The following PYGB variants were observed in gnomAD, a reference collection of about 807,000 sequenced individuals.
The protein encoded by PYGB is glycogen phosphorylase B, also known as glycogen phosphorylase, brain form.
In PYGB, 82 loss-of-function variants were observed where a neutral mutation model predicts 94.3. That is an observed-to-expected ratio of 0.87 (90% CI 0.73 to 1.04). The LOEUF is 1.04. PYGB is among the 50% of genes least tolerant of loss of function. PYGB has a pLI of 0.00. For synonymous variants in PYGB, 488 were observed against 479.1 expected (o/e 1.02, Z -0.24); for missense variants, 1,132 against 1,158.2 (o/e 0.98, Z 0.33).
At position 25,297,877 on chromosome 20, in the gene PYGB, G is replaced by C. The variant is rs1312420189; in HGVS notation, c.*1355G>C. The C allele has an allele frequency of 2.0e-5, 3 of 152,334 alleles. No homozygotes were observed. The highest frequency in any genetic ancestry group is 2.9e-5 in the Non-Finnish European group (2 of 68,138). The allele number at this position is 152,334 out of a possible 1,614,324, so 9.4% of individuals were successfully genotyped here. On this transcript the variant is annotated 3_prime_UTR_variant, in exon 20 of 20. Coordinates refer to ENST00000216962, the MANE Select transcript of PYGB (RefSeq NM_002862.4). ...TCGTGCCCTGACAGCATCTTCCCCA[G>C]GCAGCGGCTCTGTGGAGGAGGCCAT... is the stretch of plus-strand genomic sequence containing the variant.
At chr20:25,281,692 G>A (rs577270717) in intron 11 of PYGB, among the ~76,000 whole-genome samples, 167 of 152,316 alleles carry the variant, frequency 1.1e-3, no homozygotes, top group African/African-American at 3.8e-3. Context: ...AGGAAACCGA[G>A]CGCAGCTTCT....
rs372444560 is a variant in PYGB, at chr20:25,271,472, G to A, written c.514G>A (p.Val172Ile). 2 of 1,613,438 alleles carry A rather than the reference G, an allele frequency of 1.2e-6. No homozygotes were observed. Among genetic ancestry groups the A allele is most frequent in the East Asian group, 4.5e-5 (2 of 44,886 alleles). ...YEFGIFNQKI[V>I]NGWQVEEADD... ...ATTTGGGATTTTTAACCAGAAGATTGTCAATGGCTGGCAGGTGGGTGAGAT... is the reference window on the plus strand; with the variant it reads ...ATTTGGGATTTTTAACCAGAAGATTATCAATGGCTGGCAGGTGGGTGAGAT... The change falls in exon 4 of 20, where the codon GTC becomes ATC. Residue 172 changes from valine (V) to isoleucine (I), a missense_variant. Coordinates refer to ENST00000216962, the MANE Select transcript of PYGB (RefSeq NM_002862.4).
chr20:25,252,363 G>C (rs543714650), intron 1 of PYGB, among the ~76,000 whole-genome samples: 2 of 152,134 alleles, frequency 1.3e-5, no homozygotes, highest in South Asian at 2.1e-4. Flanking sequence ...TGTCCCTCTG[G>C]GGGGGTCGGG....
At chr20:25,283,119 G>T (rs1338015733) in intron 12 of PYGB, 57 bp from the exon 13 acceptor site, 1 of 1,447,386 alleles carries the variant, frequency 6.9e-7, no homozygotes, top group Non-Finnish European at 9.7e-7. Flanking sequence ...AGGTGGCTAG[G>T]GGGCCCAGCC....
chr20:25,283,879 C>T (rs1319837042), intron 13 of PYGB, among the ~76,000 whole-genome samples: 4 of 152,124 alleles, frequency 2.6e-5, no homozygotes, highest in Non-Finnish European at 5.9e-5. Context: ...TGGGCCGGCT[C>T]CTCACTTATC....
intron 15 of PYGB, 65 bp downstream of exon 15, chr20:25,288,548 G>A (rs1483950073): frequency 5.8e-6 from 9 of 1,552,450 alleles, no homozygotes; most frequent in Non-Finnish European, 6.2e-6. Context: ...TGGGCAGCCT[G>A]CACGCTTCTC....
intron 7 of PYGB, 103 bp from the exon 8 acceptor site, chr20:25,278,216 C>G: frequency 7.6e-7 from 1 of 1,320,508 alleles, no homozygotes; most frequent in Non-Finnish European, 1.0e-6. Context: ...CTGGGCTCCT[C>G]TCGGCCTTCT....
chr20:25,279,967 G>C (rs2088350538), intron 9 of PYGB, among the ~76,000 whole-genome samples: 1 of 152,248 alleles, frequency 6.6e-6, no homozygotes, highest in South Asian at 2.1e-4. Flanking sequence ...GTTTACCAGT[G>C]ACGGCAGAGT....
At chr20:25,281,357 C>T (rs773881114) in intron 11 of PYGB, among the ~76,000 whole-genome samples, 4 of 152,232 alleles carry the variant, frequency 2.6e-5, no homozygotes, top group Admixed American at 6.5e-5. Context: ...GGGGAGACGG[C>T]TTTGTCTCCT....
chr20:25,294,493 G>A (rs2088509177), intron 18 of PYGB, among the ~76,000 whole-genome samples: 1 of 152,238 alleles, frequency 6.6e-6, no homozygotes, highest in African/African-American at 2.4e-5. Flanking sequence ...AATGCCAGGG[G>A]GCCCTGGGCA....
rs781661901 is a variant in PYGB at position 25,294,289 on chromosome 20, A to G, written c.2309A>G (p.Asp770Gly). ...KDIVNMLMHH[D>G]RFKVFADYEA... ...ATCGTGAACATGCTGATGCACCATG[A>G]CAGGTGGGACCGACTTCCCTGGTTG... is the stretch of plus-strand genomic sequence containing the variant. The change falls in exon 18 of 20, where the codon GAC becomes GGC. Residue 770 changes from aspartate (D) to glycine (G), a missense_variant. Transcript: ENST00000216962. 2 of 1,374,588 alleles carry G rather than the reference A, an allele frequency of 1.5e-6. No individual in the cohort carries two copies. Among genetic ancestry groups the G allele is most frequent in the African/African-American group, 1.5e-5 (1 of 65,406 alleles). The allele number at this position is 1,374,588 out of a possible 1,614,324, so 85.1% of individuals were successfully genotyped here.
In PYGB at chr20:25,248,337, C is replaced by G; in HGVS notation, c.159C>G (p.Phe53Leu). 1 of 1,603,576 alleles carries G rather than the reference C, an allele frequency of 6.2e-7. No individual in the cohort carries two copies. The highest frequency in any genetic ancestry group is 8.5e-7 in the Non-Finnish European group (1 of 1,175,742). Residue 53 changes from phenylalanine to leucine, a missense_variant, in exon 1 of 20, where the codon TTC (phenylalanine) becomes TTG (leucine). Transcript: ENST00000216962. Reference protein sequence around the residue: ...DRNVATPRDYFFALAHTVRDH... With the variant: ...DRNVATPRDYLFALAHTVRDH... ...ATGTGGCCACGCCCCGCGACTACTT[C>G]TTCGCGCTGGCGCACACGGTGCGCG... is the stretch of plus-strand genomic sequence containing the variant.
chr20:25,279,069 C>T lies in PYGB; in HGVS notation c.1012C>T (p.Leu338=), dbSNP rs749813695. ...ETFPDKVAIQ[L]NDTHPALSIP... ...GTGCGACCTTCAGGTGGCCATCCAG[C>T]TGAACGACACCCACCCCGCCCTCTC... The change falls in exon 9 of 20, where the codon CTG becomes TTG. Residue 338 remains leucine (L), a synonymous_variant. Coordinates refer to ENST00000216962, the MANE Select transcript of PYGB (RefSeq NM_002862.4). 5.0e-6 allele frequency: 8 copies of T among 1,612,642 alleles called. No individual in the cohort carries two copies. The East Asian group carries it at 1.6e-4, about 31-fold the overall frequency.
rs202098395 is a variant in PYGB, at chr20:25,296,549, G to C, written c.*27G>C. ...CACACCCTGCCTTGGCGGGACCAGC[G>C]GGCATTTGTTTTCTTGCTGACTTTG... On this transcript the variant is annotated 3_prime_UTR_variant, in exon 20 of 20. Coordinates refer to ENST00000216962, the MANE Select transcript of PYGB (RefSeq NM_002862.4). The C allele has an allele frequency of 1.9e-6, 3 of 1,590,940 alleles. No homozygotes were observed. Among genetic ancestry groups the C allele is most frequent in the Non-Finnish European group, 2.6e-6 (3 of 1,168,484 alleles).
At chr20:25,266,549 A>T (rs2088220036) in intron 2 of PYGB, among the ~76,000 whole-genome samples, 1 of 152,180 alleles carries the variant, frequency 6.6e-6, no homozygotes, top group Admixed American at 6.5e-5. Flanking sequence ...GATACATTGG[A>T]CTTCATCAAA....
chr20:25,283,514 G>C (rs1158900036), intron 13 of PYGB, among the ~76,000 whole-genome samples: 4 of 152,218 alleles, frequency 2.6e-5, no homozygotes, highest in African/African-American at 9.6e-5. Flanking sequence ...AGATAGGTGA[G>C]TGCAGACCCC....
chr20:25,290,571 A>C lies in PYGB; in HGVS notation c.1918A>C (p.Arg640=). ...VVNHDPVVGD[R]LKVIFLENYR... ...CAATCATGACCCAGTTGTGGGTGAC[A>C]GGTTGAAAGTGATCTTCCTGGAGAA... The change falls in exon 16 of 20, where the codon AGG becomes CGG. Residue 640 remains arginine, a synonymous_variant. Coordinates refer to ENST00000216962, the MANE Select transcript of PYGB (RefSeq NM_002862.4). 1 of 1,609,964 alleles carries C rather than the reference A, an allele frequency of 6.2e-7. No homozygotes were observed. The highest frequency in any genetic ancestry group is 8.5e-7 in the Non-Finnish European group (1 of 1,176,398).
At position 25,286,469 on chromosome 20, in the gene PYGB, G is replaced by T. The variant is rs571413045; in HGVS notation, c.1769-1956G>T. Among the ~76,000 whole-genome samples, 5 of 152,314 alleles carry T rather than the reference G, an allele frequency of 3.3e-5. No homozygotes were observed. In the East Asian group the frequency reaches 7.7e-4, roughly 23 times the overall value. On this transcript the variant is annotated intron_variant, in intron 14 of 19. Coordinates refer to ENST00000216962, the MANE Select transcript of PYGB (RefSeq NM_002862.4). ...CTTTCCAAGTTGGTGGTCACCAAGG[G>T]TATGTGATTTGCGAAGGGGTTCACT...
At chr20:25,270,663 A>C (rs1026157806) in intron 3 of PYGB, among the ~76,000 whole-genome samples, 1 of 151,820 alleles carries the variant, frequency 6.6e-6, no homozygotes, top group Non-Finnish European at 1.5e-5. Flanking sequence ...ATGCACAGCT[A>C]ATTGTATTTT....
Sources: gnomAD v4.1 joint callset for allele counts (sites outside exome capture counted in the v4.1 genomes callset) on GRCh38, gnomAD v4.1.1 for gene constraint, MANE v1.5 for transcripts, NCBI Gene and HGNC (gene_info 2026-07-23, HGNC 2026-07-21) for gene names.